The following TNFSF12 variants were observed in gnomAD, a reference collection of about 807,000 sequenced individuals.
TNFSF12 encodes TNF superfamily member 12.
Under a neutral mutation model 31.2 loss-of-function variants are expected in TNFSF12, and 16 were observed. The ratio of observed to expected loss-of-function variants is 0.51; its 90% CI spans 0.35 to 0.78. The LOEUF is 0.78. TNFSF12 is among the 30% of genes least tolerant of loss of function. The pLI is 0.01. For missense variants in TNFSF12, 324 were observed against 338.8 expected (o/e 0.96, Z 0.34); for synonymous variants, 150 against 151.4 (o/e 0.99, Z 0.07).
chr17:7,553,537 C>T, intron 5 of TNFSF12: 1 of 889,780 alleles, frequency 1.1e-6, no homozygotes, highest in East Asian at 6.2e-5. Flanking sequence ...CTTATCTAAT[C>T]CTCACAACAG....
In TNFSF12 at chr17:7,552,327, C is replaced by CTTT. The variant is rs930416946; in HGVS notation, c.373+1365_373+1367dup. ...CCAGGAGTCATGGCCATATGGATGGCTTTTTTTTTTTTTTTTTTGAGACAG... is the reference window on the plus strand; with the variant it reads ...CCAGGAGTCATGGCCATATGGATGGCTTTTTTTTTTTTTTTTTTTTTGAGACAG... On this transcript the variant is annotated intron_variant, in intron 5 of 6. Transcript: ENST00000293825. Among the ~76,000 whole-genome samples, 9 of 128,912 alleles carry CTTT rather than the reference C, an allele frequency of 7.0e-5. 1 individual carries two copies. In the South Asian group the frequency reaches 7.7e-4, roughly 11 times the overall value. 84.6% of individuals were successfully genotyped at this position (128,912 alleles called of 152,430 possible).
At chr17:7,553,538 C>T (rs1384744296) in intron 5 of TNFSF12, 1 of 918,092 alleles carries the variant, frequency 1.1e-6, no homozygotes, top group Non-Finnish European at 1.6e-6. Context: ...TTATCTAATC[C>T]TCACAACAGC....
In TNFSF12 at chr17:7,556,821, C is replaced by T. The variant is rs748996775; in HGVS notation, c.417C>T (p.Asn139=). ...GTGGCTGGGAGGAAGCCAGAATCAA[C>T]AGCTCCAGCCCTCTGCGCTACAACC... is the stretch of plus-strand genomic sequence containing the variant. The part of the protein sequence containing the change: ...TVSGWEEARI[N]SSSPLRYNRQ... The change falls in exon 6 of 7, where the codon AAC becomes AAT. Residue 139 remains asparagine (N), a synonymous_variant. Coordinates refer to ENST00000293825, the MANE Select transcript of TNFSF12 (RefSeq NM_003809.3). 6.4e-7 allele frequency: 1 copy of T among 1,552,652 alleles called. No homozygotes were observed. The highest frequency in any genetic ancestry group is 2.0e-5 in the Admixed American group (1 of 50,640).
rs2070981481 is a variant in TNFSF12, at chr17:7,549,942, C to T, written c.208-178C>T. ...GCTGGTCTAGAGGAAAGGGTGAGGA[C>T]TGGGGCCTGACTCCCAGCTTCACCT... On this transcript the variant is annotated intron_variant, in intron 2 of 6. Transcript: ENST00000293825. The surrounding 1 kb of genome is among the most constrained non-coding windows in gnomAD (Gnocchi z 4.1). The T allele has an allele frequency of 1.7e-5, 14 of 825,276 alleles. No homozygotes were observed. Among genetic ancestry groups the T allele is most frequent in the South Asian group, 6.5e-5 (4 of 61,678 alleles). 51.1% of individuals were successfully genotyped at this position (825,276 alleles called of 1,614,324 possible).
At chr17:7,555,569 T>A (rs553952352) in intron 5 of TNFSF12, among the ~76,000 whole-genome samples, 1 of 152,172 alleles carries the variant, frequency 6.6e-6, no homozygotes, top group African/African-American at 2.4e-5. Context: ...TAGAGACTCA[T>A]TCTGTGGCTT....
chr17:7,557,388 G>T lies in TNFSF12; in HGVS notation c.*38G>T. 12 of 1,544,988 alleles carry T rather than the reference G, an allele frequency of 7.8e-6. No individual in the cohort carries two copies. Among genetic ancestry groups the T allele is most frequent in the Non-Finnish European group, 1.1e-5 (12 of 1,142,620 alleles). ...TCCCCGCAGTCGTCCCAGGCTGCCG[G>T]CTCCCCTCGACAGCTCTCTGGGCAC... On this transcript the variant is annotated 3_prime_UTR_variant, in exon 7 of 7. Coordinates refer to ENST00000293825, the MANE Select transcript of TNFSF12 (RefSeq NM_003809.3). This position sits in a 1 kb window ranked among gnomAD's most constrained non-coding sequence, Gnocchi z 5.2.
chr17:7,551,951 A>T (rs1465520154), intron 5 of TNFSF12, among the ~76,000 whole-genome samples: 2 of 151,572 alleles, frequency 1.3e-5, no homozygotes, highest in African/African-American at 4.9e-5. Flanking sequence ...ACGCCTGGCT[A>T]ATTTTTGTAT....
chr17:7,551,041 A>G, intron 5 of TNFSF12, 63 bp downstream of exon 5: 1 of 1,608,436 alleles, frequency 6.2e-7, no homozygotes. Context: ...AAAACCTTTG[A>G]CCTCCCACTC....
chr17:7,553,002 G>A (rs574150543), intron 5 of TNFSF12, among the ~76,000 whole-genome samples: 2 of 143,000 alleles, frequency 1.4e-5, no homozygotes, highest in Admixed American at 7.0e-5. Context: ...TGAGAAATAA[G>A]GAACTGGAGG....
chr17:7,556,836 G>A lies in TNFSF12; in HGVS notation c.432G>A (p.Leu144=). 1 of 1,563,780 alleles carries A rather than the reference G, an allele frequency of 6.4e-7. No homozygotes were observed. Among genetic ancestry groups the A allele is most frequent in the Non-Finnish European group, 8.7e-7 (1 of 1,151,326 alleles). ...EEARINSSSP[L]RYNRQIGEFI... The stretch of plus-strand genomic sequence containing the variant: ...CCAGAATCAACAGCTCCAGCCCTCT[G>A]CGCTACAACCGCCAGATCGGGGAGT... The change falls in exon 6 of 7, where the codon CTG becomes CTA. Residue 144 remains leucine, a synonymous_variant. Transcript: ENST00000293825.
Position 7,553,833 on chromosome 17 carries a change from T to A in TNFSF12, c.373+2855T>A, listed in dbSNP as rs2071027547. On this transcript the variant is annotated intron_variant, in intron 5 of 6. Coordinates refer to ENST00000293825, the MANE Select transcript of TNFSF12 (RefSeq NM_003809.3). ...AGGAGAACAAGAGACCAGGTGGGTT[T>A]GTAGATTTGCTGGGGGGAGATGAGG... is the stretch of plus-strand genomic sequence containing the variant. The A allele has an allele frequency of 1.5e-5, 17 of 1,117,678 alleles. No homozygotes were observed. The Admixed American group carries it at 6.4e-4, about 42-fold the overall frequency. The allele number at this position is 1,117,678 out of a possible 1,614,324, so 69.2% of individuals were successfully genotyped here. A position where few individuals can be genotyped will look rare whatever the true frequency, so the allele number is the denominator to read the frequency against.
At position 7,550,289 on chromosome 17, in the gene TNFSF12, A is replaced by T; in HGVS notation, c.283+94A>T. On this transcript the variant is annotated intron_variant, in intron 3 of 6. Transcript: ENST00000293825. This position sits in a 1 kb window ranked among gnomAD's most constrained non-coding sequence, Gnocchi z 4.4. ...GAGGCACGGAGGGTGAAAGGAGTTC[A>T]GAGTCATGCAGCTAACCAGCCAAGA... The T allele has an allele frequency of 6.3e-7, 1 of 1,578,470 alleles. No individual in the cohort carries two copies. The highest frequency in any genetic ancestry group is 8.7e-7 in the Non-Finnish European group (1 of 1,154,914).
rs2070977561 is a variant in TNFSF12 at position 7,549,653 on chromosome 17, A to G, written c.207+132A>G. On this transcript the variant is annotated intron_variant, in intron 2 of 6. Coordinates refer to ENST00000293825, the MANE Select transcript of TNFSF12 (RefSeq NM_003809.3). The surrounding 1 kb of genome is among the most constrained non-coding windows in gnomAD (Gnocchi z 4.1). ...GGGTGTGTGTGAACACAGTGCGTGC[A>G]TGGGTGCGTGTCTGCAGGGGTGTGT... The G allele has an allele frequency of 1.5e-6, 2 of 1,365,574 alleles. No homozygotes were observed. The highest frequency in any genetic ancestry group is 1.9e-6 in the Non-Finnish European group (2 of 1,035,266). 84.6% of individuals were successfully genotyped at this position (1,365,574 alleles called of 1,614,324 possible). A position where few individuals can be genotyped will look rare whatever the true frequency, so the allele number is the denominator to read the frequency against.
rs766036039 is a variant in TNFSF12 at position 7,550,150 on chromosome 17, G to T, written c.238G>T (p.Asp80Tyr). ...ELNPQTEESQ[D>Y]PAPFLNRLVR... is the part of the protein sequence containing the mutation. ...GAATCCCCAGACAGAAGAAAGCCAG[G>T]ATCCTGCGCCTTTCCTGAACCGACT... is the stretch of plus-strand genomic sequence containing the variant. The change falls in exon 3 of 7, where the codon GAT becomes TAT. Residue 80 changes from aspartate to tyrosine, a missense_variant. Asp to Tyr is a radical substitution (Grantham distance 160). Coordinates refer to ENST00000293825, the MANE Select transcript of TNFSF12 (RefSeq NM_003809.3). This position sits in a 1 kb window ranked among gnomAD's most constrained non-coding sequence, Gnocchi z 4.4. 3.1e-6 allele frequency: 5 copies of T among 1,613,986 alleles called. No homozygotes were observed. The East Asian group carries it at 8.9e-5, about 29-fold the overall frequency.
Position 7,557,391 on chromosome 17 carries a change from C to A in TNFSF12, c.*41C>A, listed in dbSNP as rs1467912619. 6.5e-7 allele frequency: 1 copy of A among 1,540,420 alleles called. No homozygotes were observed. The highest frequency in any genetic ancestry group is 1.9e-5 in the Admixed American group (1 of 52,262). ...CCGCAGTCGTCCCAGGCTGCCGGCTCCCCTCGACAGCTCTCTGGGCACCCG... is the reference window on the plus strand; with the variant it reads ...CCGCAGTCGTCCCAGGCTGCCGGCTACCCTCGACAGCTCTCTGGGCACCCG... On this transcript the variant is annotated 3_prime_UTR_variant, in exon 7 of 7. Transcript: ENST00000293825. This position sits in a 1 kb window ranked among gnomAD's most constrained non-coding sequence, Gnocchi z 5.2.
In TNFSF12 at chr17:7,549,419, G is replaced by A. The variant is rs2070973336; in HGVS notation, c.160-55G>A. On this transcript the variant is annotated intron_variant, in intron 1 of 6. Coordinates refer to ENST00000293825, the MANE Select transcript of TNFSF12 (RefSeq NM_003809.3). The surrounding 1 kb of genome is among the most constrained non-coding windows in gnomAD (Gnocchi z 4.1). ...AGGCAAGGGGAAGGGAGGATGGGTGGAGGGTGAGATGTCAGGTGGAGCGGC... is the reference window on the plus strand; with the variant it reads ...AGGCAAGGGGAAGGGAGGATGGGTGAAGGGTGAGATGTCAGGTGGAGCGGC... 1 of 1,448,300 alleles carries A rather than the reference G, an allele frequency of 6.9e-7. No individual in the cohort carries two copies. Among genetic ancestry groups the A allele is most frequent in the African/African-American group, 1.4e-5 (1 of 70,174 alleles). 89.7% of individuals were successfully genotyped at this position (1,448,300 alleles called of 1,614,324 possible).
In TNFSF12 at chr17:7,556,771, T is replaced by C. The variant is rs903205202; in HGVS notation, c.374-7T>C. The C allele has an allele frequency of 2.0e-6, 3 of 1,504,966 alleles. No homozygotes were observed. The highest frequency in any genetic ancestry group is 1.4e-5 in the African/African-American group (1 of 71,706). The allele number at this position is 1,504,966 out of a possible 1,614,324, so 93.2% of individuals were successfully genotyped here. ...ACGTTTCCTTATCTCTGAGCATCCGTGTTCAGGTGTGGACGGGACAGTGAG... is the reference window on the plus strand; with the variant it reads ...ACGTTTCCTTATCTCTGAGCATCCGCGTTCAGGTGTGGACGGGACAGTGAG... On this transcript the variant is annotated splice_polypyrimidine_tract_variant and splice_region_variant and intron_variant, in intron 5 of 6. Coordinates refer to ENST00000293825, the MANE Select transcript of TNFSF12 (RefSeq NM_003809.3).
chr17:7,555,526 A>AAGGCG (rs1264105527), intron 5 of TNFSF12, among the ~76,000 whole-genome samples: 1 of 152,186 alleles, frequency 6.6e-6, no homozygotes, highest in Non-Finnish European at 1.5e-5. Context: ...CGGAAGGAGG[A>AAGGCG]AGGCGAGGCG....
chr17:7,555,973 G>GTTTTTTGTTTTTTTTTTTTTTTTTTTTT (rs1555564686), intron 5 of TNFSF12, among the ~76,000 whole-genome samples: 4 of 70,878 alleles, frequency 5.6e-5, no homozygotes, highest in Non-Finnish European at 7.8e-5. Context: ...CCCAGTGAGC[G>GTTTTTTGTTTTTTTTTTTTTTTTTTTTT]TTTTTTTTGT....
Sources: allele counts gnomAD v4.1 joint callset (sites outside exome capture counted in the v4.1 genomes callset), GRCh38; gene constraint gnomAD v4.1.1; non-coding constraint Gnocchi (gnomAD v3.1); transcripts MANE v1.5; gene names NCBI Gene and HGNC (gene_info 2026-07-23, HGNC 2026-07-21).